Variants in PCDHA12 observed in about 807,000 individuals in gnomAD.
PCDHA12 encodes protocadherin alpha 12.
Under a neutral mutation model 60.0 loss-of-function variants are expected in PCDHA12, and 44 were observed. The ratio of observed to expected loss-of-function variants is 0.73; its 90% CI spans 0.58 to 0.94. The LOEUF (loss-of-function observed/expected upper bound fraction) is 0.94, where lower values mean the gene tolerates loss of function less well. PCDHA12 is among the 40% of genes least tolerant of loss of function. The probability of loss-of-function intolerance (pLI) is 0.00; values close to 1 mark genes in which losing one functional copy is unlikely to be tolerated. For missense variants in PCDHA12, 1,276 were observed against 1,239.7 expected (o/e 1.03, Z -0.44); for synonymous variants, 569 against 553.0 (o/e 1.03, Z -0.40).
chr5:140,940,434 T>A (rs155816), intron 1 of PCDHA12, among the ~76,000 whole-genome samples: 48,246 of 152,056 alleles, frequency 0.32, 7,999 homozygotes, highest in East Asian at 0.53. Flanking sequence ...TGATCAAGTC[T>A]GCCATGATAT....
At chr5:140,959,230 A>C (rs776449475) in intron 1 of PCDHA12, among the ~76,000 whole-genome samples, 13 of 152,092 alleles carry the variant, frequency 8.5e-5, no homozygotes, top group Non-Finnish European at 1.0e-4. Context: ...TACAAAAATT[A>C]TCTGGGCATG....
rs189687890 is a variant in PCDHA12 at position 140,972,728 on chromosome 5, A to G, written c.2368-6221A>G. ...TGCCAGGCTGGAGTGCAGTGGCGTA[A>G]TCCCGGCTCACTGCAACCTCCGCCT... On this transcript the variant is annotated intron_variant, in intron 1 of 3. Transcript: ENST00000398631. Among the ~76,000 whole-genome samples the G allele has an allele frequency of 6.0e-3, 882 of 147,958 alleles. 8 individuals carry two copies. Among genetic ancestry groups the G allele is most frequent in the African/African-American group, 0.021 (847 of 39,742 alleles).
chr5:140,982,559 A>G lies in PCDHA12; in HGVS notation c.2511A>G (p.Thr837=). 1 of 1,614,170 alleles carries G rather than the reference A, an allele frequency of 6.2e-7. No homozygotes were observed. The highest frequency in any genetic ancestry group is 8.5e-7 in the Non-Finnish European group (1 of 1,180,012). Residue 837 remains threonine, a synonymous_variant, in exon 3 of 4, where the codon ACA becomes ACG. Coordinates refer to ENST00000398631, the MANE Select transcript of PCDHA12 (RefSeq NM_018903.4). The part of the protein sequence containing the change: ...DQQWPTVSSA[T]PEPEAGEVSP... ...AGTGGCCAACAGTATCCAGTGCAAC[A>G]CCAGGTAAAGAGCTGGGGTCTCTCC... is the stretch of plus-strand genomic sequence containing the variant.
At chr5:140,972,625 G>A (rs2096544051) in intron 1 of PCDHA12, among the ~76,000 whole-genome samples, 1 of 151,044 alleles carries the variant, frequency 6.6e-6, no homozygotes, top group African/African-American at 2.4e-5. Flanking sequence ...AATGTTGTTG[G>A]CACTCCCTTC....
chr5:141,000,385 C>CTA (rs2097909674), intron 3 of PCDHA12, among the ~76,000 whole-genome samples: 1 of 64,994 alleles, frequency 1.5e-5, no homozygotes, highest in Non-Finnish European at 2.9e-5. Context: ...CTCTCTCTCT[C>CTA]TCTCTCTCTC....
At chr5:140,911,759 T>A (rs2075630155) in intron 1 of PCDHA12, among the ~76,000 whole-genome samples, 3 of 152,026 alleles carry the variant, frequency 2.0e-5, no homozygotes, top group South Asian at 2.1e-4. Context: ...TTCTCCATAC[T>A]ATTAGAAGTA....
At chr5:140,886,555 C>T (rs1441725788) in intron 1 of PCDHA12, among the ~76,000 whole-genome samples, 3 of 151,830 alleles carry the variant, frequency 2.0e-5, no homozygotes, top group Non-Finnish European at 4.4e-5. Context: ...CAGCTGGGCA[C>T]GGTGGCTCAC....
chr5:140,893,106 C>T (rs1226663436), intron 1 of PCDHA12, among the ~76,000 whole-genome samples: 3 of 152,170 alleles, frequency 2.0e-5, no homozygotes, highest in African/African-American at 4.8e-5. Flanking sequence ...GATAATATTC[C>T]GTTGTGCATA....
chr5:140,877,800 T>C lies in PCDHA12; in HGVS notation c.2328T>C (p.Leu776=), dbSNP rs2057344527. The C allele has an allele frequency of 6.2e-7, 1 of 1,613,404 alleles. No homozygotes were observed. The highest frequency in any genetic ancestry group is 8.5e-7 in the Non-Finnish European group (1 of 1,179,762). ...KTDLMAFSPS[L]QLSREDCLNP... The stretch of plus-strand genomic sequence containing the variant: ...ACCTCATGGCCTTCAGCCCAAGCCT[T>C]CAGCTGTCTCGAGAAGATTGTTTAA... The change falls in exon 1 of 4, where the codon CTT becomes CTC. Residue 776 remains leucine, a synonymous_variant. Coordinates refer to ENST00000398631, the MANE Select transcript of PCDHA12 (RefSeq NM_018903.4).
intron 3 of PCDHA12, among the ~76,000 whole-genome samples, chr5:140,990,589 C>G (rs1208213426): frequency 6.6e-6 from 1 of 152,196 alleles, no homozygotes; most frequent in African/African-American, 2.4e-5. Flanking sequence ...TTCCTATAAT[C>G]ACCTGGAGTC....
intron 3 of PCDHA12, among the ~76,000 whole-genome samples, chr5:140,985,312 G>C (rs961087434): frequency 2.0e-5 from 3 of 152,102 alleles, no homozygotes; most frequent in Non-Finnish European, 2.9e-5. Flanking sequence ...TAGCCTGGTG[G>C]CCAGAATTCA....
At chr5:140,907,411 GA>G (rs1435126945) in intron 1 of PCDHA12, among the ~76,000 whole-genome samples, 1 of 152,192 alleles carries the variant, frequency 6.6e-6, no homozygotes, top group Non-Finnish European at 1.5e-5. Flanking sequence ...GGAATACCAC[GA>G]TGGTGGATAA....
At chr5:140,909,574 T>G (rs1363183074) in intron 1 of PCDHA12, among the ~76,000 whole-genome samples, 1 of 152,134 alleles carries the variant, frequency 6.6e-6, no homozygotes, top group Non-Finnish European at 1.5e-5. Flanking sequence ...TCCAGAGATG[T>G]GATATGTTTT....
intron 3 of PCDHA12, among the ~76,000 whole-genome samples, chr5:140,998,072 C>T (rs1554256158): frequency 6.6e-6 from 1 of 152,168 alleles, no homozygotes; most frequent in African/African-American, 2.4e-5. Context: ...CAGACTTAGC[C>T]TCTGCAGTTG....
At chr5:140,892,480 CA>C (rs1484176083) in intron 1 of PCDHA12, among the ~76,000 whole-genome samples, 14 of 152,110 alleles carry the variant, frequency 9.2e-5, no homozygotes, top group Non-Finnish European at 1.8e-4. Context: ...GTTTCCTAGC[CA>C]AACATGAGAG....
In PCDHA12 at chr5:140,877,680, G is replaced by A; in HGVS notation, c.2208G>A (p.Lys736=). Reference sequence around the variant, plus strand: ...CCGTGAGCCGGTGCGCGCCGGGCAAGCCCACGCTGGTGTGCTCCAGCGCCG... The same window carrying A: ...CCGTGAGCCGGTGCGCGCCGGGCAAACCCACGCTGGTGTGCTCCAGCGCCG... ...PPTVSRCAPG[K]PTLVCSSAVG... Residue 736 remains lysine (K), a synonymous_variant, in exon 1 of 4, where the codon AAG becomes AAA. Transcript: ENST00000398631. 1 of 1,613,738 alleles carries A rather than the reference G, an allele frequency of 6.2e-7. No individual in the cohort carries two copies. Among genetic ancestry groups the A allele is most frequent in the Non-Finnish European group, 8.5e-7 (1 of 1,179,894 alleles).
intron 1 of PCDHA12, among the ~76,000 whole-genome samples, chr5:140,912,282 C>A (rs1211433751): frequency 6.6e-6 from 1 of 151,982 alleles, no homozygotes; most frequent in African/African-American, 2.4e-5. Flanking sequence ...TACCCAGGAA[C>A]AATACTTTGC....
chr5:141,011,750 A>T lies in PCDHA12; in HGVS notation c.*1813A>T, dbSNP rs1554263628. The T allele has an allele frequency of 6.5e-6, 1 of 153,696 alleles. No individual in the cohort carries two copies. Among genetic ancestry groups the T allele is most frequent in the Non-Finnish European group, 1.5e-5 (1 of 68,036 alleles). 9.5% of individuals were successfully genotyped at this position (153,696 alleles called of 1,614,324 possible). A position where few individuals can be genotyped will look rare whatever the true frequency, so the allele number is the denominator to read the frequency against. On this transcript the variant is annotated 3_prime_UTR_variant, in exon 4 of 4. Transcript: ENST00000398631. ...TGCAAGCACAAATTTTACCAATCTG[A>T]CCTCTTTGAAGTTGCAGAATGCTTT... is the stretch of plus-strand genomic sequence containing the variant.
In PCDHA12 at chr5:140,875,437, C is replaced by CTGAT. The variant is rs782126939; in HGVS notation, c.-33_-30dup. The stretch of plus-strand genomic sequence containing the variant: ...ACCTCAGGCAAGCGATCCCTTAAAA[C>CTGAT]TGATTGTCCCAACTCAGAGGCCCTC... On this transcript the variant is annotated 5_prime_UTR_variant, in exon 1 of 4. Transcript: ENST00000398631. 4 of 1,565,778 alleles carry CTGAT rather than the reference C, an allele frequency of 2.6e-6. No homozygotes were observed. In the South Asian group the frequency reaches 3.6e-5, roughly 14 times the overall value.
Sources: allele counts gnomAD v4.1 joint callset (sites outside exome capture counted in the v4.1 genomes callset), GRCh38; gene constraint gnomAD v4.1.1; transcripts MANE v1.5; gene names NCBI Gene and HGNC (gene_info 2026-07-23, HGNC 2026-07-21).